The following TERT variants were observed in gnomAD, a reference collection of about 807,000 sequenced individuals.
TERT encodes telomerase catalytic subunit.
In TERT, 42 loss-of-function variants were observed where a neutral mutation model predicts 104.0. The ratio of observed to expected loss-of-function variants is 0.40; its 90% CI spans 0.32 to 0.52. The LOEUF (loss-of-function observed/expected upper bound fraction) is 0.52, where lower values mean the gene tolerates loss of function less well. TERT is among the 20% of genes least tolerant of loss of function. The probability of loss-of-function intolerance (pLI) is 0.43; values close to 1 mark genes in which losing one functional copy is unlikely to be tolerated. For missense variants in TERT, 1,101 were observed against 1,610.3 expected (o/e 0.68, Z 5.41); for synonymous variants, 781 against 725.6 (o/e 1.08, Z -1.23).
chr5:1,294,127 C>T lies in TERT; in HGVS notation c.759G>A (p.Gln253=). 2 of 1,583,728 alleles carry T rather than the reference C, an allele frequency of 1.3e-6. No individual in the cohort carries two copies. Among genetic ancestry groups the T allele is most frequent in the Non-Finnish European group, 8.6e-7 (1 of 1,167,376 alleles). The part of the protein sequence containing the change: ...APEPERTPVG[Q]GSWAHPGRTR... ...TCCTGCCCGGGTGGGCCCAGGACCC[C>T]TGCCCAACGGGCGTCCGCTCCGGCT... The change falls in exon 2 of 16, where the codon CAG becomes CAA. Residue 253 remains glutamine (Q), a synonymous_variant. Coordinates refer to ENST00000310581, the MANE Select transcript of TERT (RefSeq NM_198253.3).
chr5:1,282,856 G>A, intron 2 of TERT: 1 of 590,712 alleles, frequency 1.7e-6, no homozygotes, highest in East Asian at 3.0e-5. Context: ...CCGAGGGCCT[G>A]GCGAACTCAC....
In TERT at chr5:1,262,113, C is replaced by A. The variant is rs899842084; in HGVS notation, c.2844-1513G>T. On this transcript the variant is annotated intron_variant, in intron 11 of 15. Transcript: ENST00000310581. The surrounding 1 kb of genome is among the most constrained non-coding windows in gnomAD (Gnocchi z 5.6). ...CCTTCCCCAACACCAAACCAGGGAA[C>A]GTTCACCTCCCTTCCCTTTGAGTCT... 6.6e-6 allele frequency among the ~76,000 whole-genome samples: 1 copy of A among 152,184 alleles called. No individual in the cohort carries two copies. The highest frequency in any genetic ancestry group is 1.5e-5 in the Non-Finnish European group (1 of 68,028).
rs1455427570 is a variant in TERT, at chr5:1,256,377, G to T, written c.3033-966C>A. 6.6e-6 allele frequency among the ~76,000 whole-genome samples: 1 copy of T among 152,026 alleles called. No individual in the cohort carries two copies. Among genetic ancestry groups the T allele is most frequent in the Non-Finnish European group, 1.5e-5 (1 of 68,000 alleles). On this transcript the variant is annotated intron_variant, in intron 13 of 15. Coordinates refer to ENST00000310581, the MANE Select transcript of TERT (RefSeq NM_198253.3). The surrounding 1 kb of genome is among the most constrained non-coding windows in gnomAD (Gnocchi z 7.0). Reference sequence around the variant, plus strand: ...TTTGGGGCAGGTGTGCACAGACCTGGCTACCATGAAACAGCACATGTGCAC... The same window carrying T: ...TTTGGGGCAGGTGTGCACAGACCTGTCTACCATGAAACAGCACATGTGCAC...
At chr5:1,273,100 A>G (rs78764532) in intron 6 of TERT, among the ~76,000 whole-genome samples, 9,926 of 14,174 alleles carry the variant, frequency 0.7, 3,480 homozygotes, top group Admixed American at 0.76. Context: ...CAGACCCCAC[A>G]ACCGCCATCC....
chr5:1,284,409 C>A (rs1385671152), intron 2 of TERT, among the ~76,000 whole-genome samples: 1 of 149,474 alleles, frequency 6.7e-6, no homozygotes, highest in African/African-American at 2.5e-5. Context: ...CTGCACCATC[C>A]GGACACCGCA....
chr5:1,276,757 C>A (rs886727714), intron 6 of TERT, among the ~76,000 whole-genome samples: 6 of 152,202 alleles, frequency 3.9e-5, no homozygotes, highest in African/African-American at 1.4e-4. Context: ...TAAAAGGAGG[C>A]GCAGAAGCAA....
At position 1,294,921 on chromosome 5, in the gene TERT, C is replaced by A; in HGVS notation, c.69G>T (p.Pro23=). Residue 23 remains proline (P), a synonymous_variant, in exon 1 of 16, where the codon CCG becomes CCT. Coordinates refer to ENST00000310581, the MANE Select transcript of TERT (RefSeq NM_198253.3). ...LLRSHYREVL[P]LATFVRRLGP... The stretch of plus-strand genomic sequence containing the variant: ...CCAGGCGCCGCACGAACGTGGCCAG[C>A]GGCAGCACCTCGCGGTAGTGGCTGC... The A allele has an allele frequency of 7.0e-7, 1 of 1,424,622 alleles. No homozygotes were observed. Among genetic ancestry groups the A allele is most frequent in the Admixed American group, 2.8e-5 (1 of 36,052 alleles). The allele number at this position is 1,424,622 out of a possible 1,614,324, so 88.2% of individuals were successfully genotyped here. A position where few individuals can be genotyped will look rare whatever the true frequency, so the allele number is the denominator to read the frequency against.
chr5:1,291,842 GC>G (rs1751010601), intron 2 of TERT, among the ~76,000 whole-genome samples: 1 of 152,204 alleles, frequency 6.6e-6, no homozygotes, highest in Non-Finnish European at 1.5e-5. Context: ...GCAATGACAG[GC>G]AGAGTCCTGA....
intron 6 of TERT, among the ~76,000 whole-genome samples, chr5:1,275,357 A>G (rs983050834): frequency 3.2e-4 from 48 of 151,850 alleles, no homozygotes; most frequent in African/African-American, 9.7e-4. Context: ...CTGGGCAAAA[A>G]AGAGCGAGAC....
chr5:1,253,641 G>GGGCC lies in TERT; in HGVS notation c.*83_*86dup, dbSNP rs1747494414. 5 of 1,182,410 alleles carry GGGCC rather than the reference G, an allele frequency of 4.2e-6. No homozygotes were observed. The South Asian group carries it at 5.2e-5, about 12-fold the overall frequency. The allele number at this position is 1,182,410 out of a possible 1,614,324, so 73.2% of individuals were successfully genotyped here. ...CTCCCAGCGGTGCGGGCCTGGGTGT[G>GGGCC]GGCCGCCCCTCCCTCCCTGGGACGT... is the stretch of plus-strand genomic sequence containing the variant. On this transcript the variant is annotated 3_prime_UTR_variant, in exon 16 of 16. Coordinates refer to ENST00000310581, the MANE Select transcript of TERT (RefSeq NM_198253.3).
At chr5:1,259,779 C>T (rs1434489225) in intron 12 of TERT, among the ~76,000 whole-genome samples, 78 of 125,148 alleles carry the variant, frequency 6.2e-4, no homozygotes, top group African/African-American at 2.3e-3. Context: ...TGGACACAGA[C>T]GCCCACAGGA....
At chr5:1,281,000 G>C (rs191859660) in intron 3 of TERT, among the ~76,000 whole-genome samples, 1 of 152,208 alleles carries the variant, frequency 6.6e-6, no homozygotes, top group Admixed American at 6.5e-5. Context: ...ACCGCAGGCC[G>C]CAGGCCCAGC....
chr5:1,293,908 G>T lies in TERT; in HGVS notation c.978C>A (p.Ala326=). The T allele has an allele frequency of 6.5e-7, 1 of 1,541,948 alleles. No homozygotes were observed. The highest frequency in any genetic ancestry group is 8.7e-7 in the Non-Finnish European group (1 of 1,147,058). Residue 326 remains alanine (A), a synonymous_variant, in exon 2 of 16, where the codon GCC becomes GCA. Transcript: ENST00000310581. The part of the protein sequence containing the change: ...PWDTPCPPVY[A]ETKHFLYSSG... Reference sequence around the variant, plus strand: ...AGGAGTAGAGGAAGTGCTTGGTCTCGGCGTACACCGGGGGACAAGGCGTGT... The same window carrying T: ...AGGAGTAGAGGAAGTGCTTGGTCTCTGCGTACACCGGGGGACAAGGCGTGT...
intron 7 of TERT, among the ~76,000 whole-genome samples, chr5:1,271,464 G>A (rs927371269): frequency 9.9e-5 from 15 of 152,164 alleles, no homozygotes; most frequent in Admixed American, 3.3e-4. Context: ...ACAGCCCACC[G>A]TGGCCCGGAT....
rs1460549031 is a variant in TERT, at chr5:1,257,568, TG to T, written c.3032+1029del. On this transcript the variant is annotated intron_variant, in intron 13 of 15. Transcript: ENST00000310581. This position sits in a 1 kb window ranked among gnomAD's most constrained non-coding sequence, Gnocchi z 5.6. The stretch of plus-strand genomic sequence containing the variant: ...AGGGCGGTCTGAGCCGGACGCACCC[TG>T]GAACTGAGACAGCCTGGTCCCAAGC... Among the ~76,000 whole-genome samples the T allele has an allele frequency of 1.3e-5, 2 of 152,176 alleles. No individual in the cohort carries two copies. The highest frequency in any genetic ancestry group is 2.9e-5 in the Non-Finnish European group (2 of 68,030).
In TERT at chr5:1,282,410, T is replaced by A; in HGVS notation, c.1769+19A>T. On this transcript the variant is annotated intron_variant, in intron 3 of 15. Transcript: ENST00000310581. ...TCCAGGACTTCGAGAAGCAGAGGCC[T>A]GGCGTGGGGATACAGTACCTGATTC... 1 of 1,613,294 alleles carries A rather than the reference T, an allele frequency of 6.2e-7. No individual in the cohort carries two copies. The highest frequency in any genetic ancestry group is 8.5e-7 in the Non-Finnish European group (1 of 1,179,420).
intron 2 of TERT, among the ~76,000 whole-genome samples, chr5:1,289,209 C>T (rs1240523949): frequency 7.5e-5 from 11 of 147,216 alleles, no homozygotes; most frequent in Non-Finnish European, 1.3e-4. Flanking sequence ...CACCCGGGGA[C>T]GGCGCCTCAC....
At position 1,265,783 on chromosome 5, in the gene TERT, C is replaced by T. The variant is rs974297651; in HGVS notation, c.2654+681G>A. On this transcript the variant is annotated intron_variant, in intron 10 of 15. Coordinates refer to ENST00000310581, the MANE Select transcript of TERT (RefSeq NM_198253.3). The surrounding 1 kb of genome is among the most constrained non-coding windows in gnomAD (Gnocchi z 6.9). ...TCCCTTTACAGCTTTCAAGGTTTCT[C>T]GTCCCTCGTCAAATCGCACTTTAAA... Among the ~76,000 whole-genome samples the T allele has an allele frequency of 1.6e-4, 25 of 152,134 alleles. No individual in the cohort carries two copies. The highest frequency in any genetic ancestry group is 4.6e-4 in the Admixed American group (7 of 15,278).
chr5:1,259,372 TGCCCACAGGAGAGGGAGTGGATGCGGAC>T (rs1748017921), intron 12 of TERT, among the ~76,000 whole-genome samples: 1 of 107,286 alleles, frequency 9.3e-6, no homozygotes, highest in Non-Finnish European at 1.8e-5. Context: ...CAGACGCAGA[TGCCCACAGGAGAGGGAGTGGATGCGGAC>T]GCCCACAGGA....
Sources: gnomAD v4.1 joint callset for allele counts (sites outside exome capture counted in the v4.1 genomes callset) on GRCh38, gnomAD v4.1.1 for gene constraint, Gnocchi (gnomAD v3.1) non-coding constraint, MANE v1.5 for transcripts, NCBI Gene and HGNC (gene_info 2026-07-23, HGNC 2026-07-21) for gene names.